STARD3: variants seen among roughly 807,000 people sequenced by gnomAD.
The protein encoded by STARD3 is stAR-related lipid transfer protein 3.
STARD3 carries 39 observed loss-of-function variants against 62.0 expected under a neutral mutation model. The observed-to-expected ratio is 0.63, with a 90% CI of 0.49 to 0.82. The LOEUF (loss-of-function observed/expected upper bound fraction) is 0.82, where lower values mean the gene tolerates loss of function less well. STARD3 is among the 40% of genes least tolerant of loss of function. The pLI is 0.00. For missense variants in STARD3, 543 were observed against 584.5 expected (o/e 0.93, Z 0.73); for synonymous variants, 229 against 242.4 (o/e 0.94, Z 0.51).
At chr17:39,644,250 C>T (rs1282716804) in intron 1 of STARD3, among the ~76,000 whole-genome samples, 1 of 152,180 alleles carries the variant, frequency 6.6e-6, no homozygotes, top group Non-Finnish European at 1.5e-5. Flanking sequence ...AATCCCAGGG[C>T]ACAGCTCTAT....
chr17:39,653,267 G>T (rs1037863948), intron 1 of STARD3: 12 of 553,024 alleles, frequency 2.2e-5, no homozygotes, highest in Non-Finnish European at 3.9e-5. Flanking sequence ...TTGGGGCAGG[G>T]AGCACCAGGA....
chr17:39,659,918 C>T, intron 9 of STARD3: 1 of 545,288 alleles, frequency 1.8e-6, no homozygotes, highest in East Asian at 3.2e-5. Flanking sequence ...TGCCCCAGTC[C>T]CTCTCTCTGG....
At position 39,663,256 on chromosome 17, in the gene STARD3, C is replaced by T. The variant is rs2057221674; in HGVS notation, c.*348C>T. The T allele has an allele frequency of 5.0e-6, 2 of 400,326 alleles. No individual in the cohort carries two copies. The highest frequency in any genetic ancestry group is 1.3e-4 in the South Asian group (1 of 7,694). 24.8% of individuals were successfully genotyped at this position (400,326 alleles called of 1,614,324 possible). A position where few individuals can be genotyped will look rare whatever the true frequency, so the allele number is the denominator to read the frequency against. On this transcript the variant is annotated 3_prime_UTR_variant, in exon 15 of 15. Transcript: ENST00000336308. Reference sequence around the variant, plus strand: ...AGGGCCCTGGGCAGGGCAGGGCAGCCTGTCACCCGTGTGAAGATGAAGGGG... The same window carrying T: ...AGGGCCCTGGGCAGGGCAGGGCAGCTTGTCACCCGTGTGAAGATGAAGGGG...
At chr17:39,641,272 C>G (rs1487314277) in intron 1 of STARD3, among the ~76,000 whole-genome samples, 1 of 152,092 alleles carries the variant, frequency 6.6e-6, no homozygotes, top group Non-Finnish European at 1.5e-5. Context: ...ACTTGGACCT[C>G]AAGGGCTTAG....
chr17:39,653,879 GAAC>G (rs903328808), intron 2 of STARD3, 129 bp downstream of exon 2: 9 of 1,007,040 alleles, frequency 8.9e-6, no homozygotes, highest in Non-Finnish European at 1.3e-5. Context: ...AGACTGGGAG[GAAC>G]AACAGGGGTT....
intron 1 of STARD3, among the ~76,000 whole-genome samples, chr17:39,647,754 C>T (rs927709766): frequency 1.3e-5 from 2 of 152,220 alleles, no homozygotes; most frequent in African/African-American, 4.8e-5. Flanking sequence ...GATTCAGTAG[C>T]TGCTTTTACC....
Position 39,653,730 on chromosome 17 carries a change from C to A in STARD3, c.199C>A (p.Leu67Ile). 1 of 1,614,176 alleles carries A rather than the reference C, an allele frequency of 6.2e-7. No homozygotes were observed. Among genetic ancestry groups the A allele is most frequent in the East Asian group, 2.2e-5 (1 of 44,888 alleles). The change falls in exon 2 of 15, where the codon CTC becomes ATC. Residue 67 changes from leucine to isoleucine, a missense_variant. Coordinates refer to ENST00000336308, the MANE Select transcript of STARD3 (RefSeq NM_006804.4). ...VTFDLLFISL[L>I]WIIELNTNTG... is the part of the protein sequence containing the mutation. Reference sequence around the variant, plus strand: ...CTTCGACCTGCTCTTCATCTCCCTGCTCTGGATCATCGAACTGAATGTGAG... The same window carrying A: ...CTTCGACCTGCTCTTCATCTCCCTGATCTGGATCATCGAACTGAATGTGAG...
At chr17:39,658,975 A>T in intron 7 of STARD3, 76 bp from the exon 8 acceptor site, 1 of 1,594,414 alleles carries the variant, frequency 6.3e-7, no homozygotes, top group Non-Finnish European at 8.6e-7. Flanking sequence ...CCTTGCACTC[A>T]CATACCCGAA....
In STARD3 at chr17:39,662,812, GC is replaced by G; in HGVS notation, c.1246del (p.Arg416GlyfsTer79). ...TGCCTGCCTTCCCCCAGGGCCGCCTGCCCCGGTACCTCATCCACCAGAGCCT... is the reference window on the plus strand; with the variant it reads ...TGCCTGCCTTCCCCCAGGGCCGCCTGCCCGGTACCTCATCCACCAGAGCCT... ...ILNTDLKGRL[P>X]RYLIHQSLAA... On this transcript the variant is annotated frameshift_variant, in exon 15 of 15. Transcript: ENST00000336308. LOFTEE classifies it high-confidence loss of function. 1.2e-6 allele frequency: 2 copies of G among 1,609,784 alleles called. No homozygotes were observed. Among genetic ancestry groups the G allele is most frequent in the Non-Finnish European group, 1.7e-6 (2 of 1,178,314 alleles).
At chr17:39,648,305 A>T (rs1284927697) in intron 1 of STARD3, among the ~76,000 whole-genome samples, 2 of 152,020 alleles carry the variant, frequency 1.3e-5, no homozygotes, top group Non-Finnish European at 1.5e-5. Flanking sequence ...AATAAAAAAT[A>T]AAAAAATAAA....
chr17:39,658,893 C>T (rs2057162663), intron 7 of STARD3, 73 bp downstream of exon 7: 5 of 1,575,010 alleles, frequency 3.2e-6, no homozygotes, highest in Non-Finnish European at 3.5e-6. Flanking sequence ...TGGGTCTGTT[C>T]TTTCTATTCC....
chr17:39,657,689 G>T (rs1160474242), intron 3 of STARD3, 86 bp from the exon 4 acceptor site: 120 of 1,453,530 alleles, frequency 8.3e-5, no homozygotes, highest in Non-Finnish European at 1.1e-4. Context: ...AAGGGAACGT[G>T]GGGGCAGGAC....
chr17:39,649,685 G>A (rs2057058323), intron 1 of STARD3, among the ~76,000 whole-genome samples: 1 of 151,766 alleles, frequency 6.6e-6, no homozygotes, highest in Non-Finnish European at 1.5e-5. Flanking sequence ...TGGCCAATAT[G>A]GTGAAACCTC....
intron 13 of STARD3, among the ~76,000 whole-genome samples, chr17:39,661,970 G>A (rs1395453137): frequency 1.3e-5 from 2 of 152,192 alleles, no homozygotes; most frequent in East Asian, 3.9e-4. Flanking sequence ...GAGTGTATGA[G>A]GGCTGGGAAG....
chr17:39,648,242 G>A (rs374426567), intron 1 of STARD3, among the ~76,000 whole-genome samples: 71 of 152,180 alleles, frequency 4.7e-4, no homozygotes, highest in African/African-American at 1.6e-3. Flanking sequence ...AGCCTAGATC[G>A]CGCCACTGCA....
chr17:39,647,519 A>G (rs1159507822), intron 1 of STARD3, among the ~76,000 whole-genome samples: 2 of 152,110 alleles, frequency 1.3e-5, no homozygotes, highest in African/African-American at 4.8e-5. Flanking sequence ...GCTAGCTGTG[A>G]TGCCTCCAGG....
intron 9 of STARD3, chr17:39,659,915 G>C: frequency 1.8e-6 from 1 of 544,766 alleles, no homozygotes; most frequent in Non-Finnish European, 3.3e-6. Context: ...ACATGCCCCA[G>C]TCCCTCTCTC....
At position 39,660,621 on chromosome 17, in the gene STARD3, C is replaced by A; in HGVS notation, c.954+95C>A. Reference sequence around the variant, plus strand: ...GCACTCAGCGCCTCAGCTGCCCCATCTGTACAGTGGGTGTGATGGTAACAG... The same window carrying A: ...GCACTCAGCGCCTCAGCTGCCCCATATGTACAGTGGGTGTGATGGTAACAG... On this transcript the variant is annotated intron_variant, in intron 11 of 14. Transcript: ENST00000336308. The surrounding 1 kb of genome is among the most constrained non-coding windows in gnomAD (Gnocchi z 4.8). The A allele has an allele frequency of 6.9e-7, 1 of 1,444,760 alleles. No homozygotes were observed. 89.5% of individuals were successfully genotyped at this position (1,444,760 alleles called of 1,614,324 possible).
chr17:39,647,653 A>C (rs1237450268), intron 1 of STARD3, among the ~76,000 whole-genome samples: 1 of 152,166 alleles, frequency 6.6e-6, no homozygotes, highest in Admixed American at 6.5e-5. Flanking sequence ...AAGGCCTTTC[A>C]AAGTCATCTG....
Sources: allele counts gnomAD v4.1 joint callset (sites outside exome capture counted in the v4.1 genomes callset), GRCh38; gene constraint gnomAD v4.1.1; non-coding constraint Gnocchi (gnomAD v3.1); transcripts MANE v1.5; gene names NCBI Gene and HGNC (gene_info 2026-07-23, HGNC 2026-07-21).